The following STIM2 variants were observed in gnomAD, a reference collection of about 807,000 sequenced individuals.
STIM2 encodes stromal interaction molecule 2.
Under a neutral mutation model 85.8 loss-of-function variants are expected in STIM2, and 31 were observed. The ratio of observed to expected loss-of-function variants is 0.36; its 90% CI spans 0.27 to 0.49. The LOEUF (loss-of-function observed/expected upper bound fraction) is 0.49. Ranked by LOEUF, STIM2 falls within the 20% of genes least tolerant of loss-of-function variation. The pLI, the probability that STIM2 is intolerant of heterozygous loss-of-function variation, is 0.98. For synonymous variants in STIM2, 356 were observed against 331.1 expected (o/e 1.08, Z -0.82); for missense variants, 841 against 927.6 (o/e 0.91, Z 1.21).
At chr4:27,021,364 G>T (rs77619911) in intron 11 of STIM2, 18,014 of 401,816 alleles carry the variant, frequency 0.045, 552 homozygotes, top group South Asian at 0.071. Flanking sequence ...AGACAAGGTG[G>T]TTAGGGCAGG....
chr4:26,884,664 A>G (rs2109039098), intron 1 of STIM2, among the ~76,000 whole-genome samples: 1 of 152,380 alleles, frequency 6.6e-6, no homozygotes, highest in African/African-American at 2.4e-5. Context: ...AGTTGGCTGT[A>G]GTAGAAACAC....
rs535453930 is a variant in STIM2 at position 26,970,901 on chromosome 4, T to C, written c.397+13175T>C. Among the ~76,000 whole-genome samples, 10 of 152,248 alleles carry C rather than the reference T, an allele frequency of 6.6e-5. No individual in the cohort carries two copies. The East Asian group carries it at 7.7e-4, about 12-fold the overall frequency. On this transcript the variant is annotated intron_variant, in intron 3 of 11. Coordinates refer to ENST00000467087, the MANE Select transcript of STIM2 (RefSeq NM_020860.4). ...CTATTTCTCCACATCCTCTCCAGCA[T>C]CTGTTGTTTCCTGACTTTTTAATGA...
intron 7 of STIM2, among the ~76,000 whole-genome samples, chr4:27,004,874 ATGCT>A (rs1728279038): frequency 6.6e-6 from 1 of 152,238 alleles, no homozygotes; most frequent in Non-Finnish European, 1.5e-5. Context: ...CCAGAAGTGT[ATGCT>A]ACACACATTG....
intron 11 of STIM2, among the ~76,000 whole-genome samples, chr4:27,022,308 T>C (rs965639122): frequency 6.6e-6 from 1 of 152,210 alleles, no homozygotes; most frequent in Non-Finnish European, 1.5e-5. Context: ...TTCTTTATTA[T>C]GGTTTATGTT....
In STIM2 at chr4:26,896,567, TA is replaced by T. The variant is rs1025229812; in HGVS notation, c.152-22935del. 1.4e-3 allele frequency among the ~76,000 whole-genome samples: 220 copies of T among 152,340 alleles called. 1 individual carries two copies. Among genetic ancestry groups the T allele is most frequent in the African/African-American group, 5.0e-3 (208 of 41,586 alleles). On this transcript the variant is annotated intron_variant, in intron 1 of 11. Coordinates refer to ENST00000467087, the MANE Select transcript of STIM2 (RefSeq NM_020860.4). ...TTTAAAAAACGCTTTTATTTTGAAC[TA>T]AGTGTATTCTCACAAGCAGTTTTAT...
At chr4:26,871,452 C>T (rs1390146399) in intron 1 of STIM2, among the ~76,000 whole-genome samples, 2 of 152,064 alleles carry the variant, frequency 1.3e-5, no homozygotes, top group Non-Finnish European at 2.9e-5. Flanking sequence ...TGGTAAATAA[C>T]AAAATTTTGC....
At chr4:26,988,951 G>C (rs116001742) in intron 3 of STIM2, among the ~76,000 whole-genome samples, 1 of 152,086 alleles carries the variant, frequency 6.6e-6, no homozygotes, top group African/African-American at 2.4e-5. Flanking sequence ...TCTTTGGAGT[G>C]GGGGACGGAG....
At chr4:26,927,806 TATA>T (rs1216166669) in intron 2 of STIM2, among the ~76,000 whole-genome samples, 1 of 144,344 alleles carries the variant, frequency 6.9e-6, no homozygotes, top group East Asian at 2.0e-4. Context: ...ATAATGTAAT[TATA>T]AAATCTATTA....
At chr4:26,913,903 C>T (rs1190524764) in intron 1 of STIM2, among the ~76,000 whole-genome samples, 1 of 152,134 alleles carries the variant, frequency 6.6e-6, no homozygotes. Context: ...CGAATCAACT[C>T]ATATACTGCC....
chr4:26,868,441 G>A lies in STIM2; in HGVS notation c.151+7072G>A, dbSNP rs1221516217. On this transcript the variant is annotated intron_variant, in intron 1 of 11. Coordinates refer to ENST00000467087, the MANE Select transcript of STIM2 (RefSeq NM_020860.4). ...CTCAAAAACTGTTTTGTTTAATTAA[G>A]TGCTGGGATTTTAATTTAAAAAATG... Among the ~76,000 whole-genome samples the A allele has an allele frequency of 2.0e-5, 3 of 152,010 alleles. No homozygotes were observed. The East Asian group carries it at 5.8e-4, about 29-fold the overall frequency.
intron 2 of STIM2, among the ~76,000 whole-genome samples, chr4:26,922,890 G>T (rs1355894765): frequency 6.6e-6 from 1 of 152,138 alleles, no homozygotes; most frequent in Non-Finnish European, 1.5e-5. Context: ...GGATCTCTGT[G>T]CCTGGAACCT....
At chr4:26,875,645 T>C (rs1443384384) in intron 1 of STIM2, among the ~76,000 whole-genome samples, 1 of 152,162 alleles carries the variant, frequency 6.6e-6, no homozygotes, top group African/African-American at 2.4e-5. Context: ...TCAAGATTTC[T>C]AGACAAATGG....
chr4:26,888,555 T>C (rs1443252165), intron 1 of STIM2, among the ~76,000 whole-genome samples: 1 of 152,234 alleles, frequency 6.6e-6, no homozygotes, highest in East Asian at 1.9e-4. Flanking sequence ...TGGTCGTAGC[T>C]GGTTTTTGTT....
chr4:26,954,009 GA>G (rs1035159936), intron 2 of STIM2, among the ~76,000 whole-genome samples: 8 of 127,030 alleles, frequency 6.3e-5, no homozygotes, highest in African/African-American at 2.4e-4. Flanking sequence ...GATAGATTGA[GA>G]GGGGGTGACT....
chr4:26,976,055 C>G (rs1251106220), intron 3 of STIM2, among the ~76,000 whole-genome samples: 1 of 152,216 alleles, frequency 6.6e-6, no homozygotes, highest in Non-Finnish European at 1.5e-5. Flanking sequence ...ACCGCCGAAC[C>G]AGGCACAGGA....
At chr4:26,914,845 A>G (rs1428581632) in intron 1 of STIM2, among the ~76,000 whole-genome samples, 1 of 152,198 alleles carries the variant, frequency 6.6e-6, no homozygotes, top group African/African-American at 2.4e-5. Flanking sequence ...AAGTATAGAT[A>G]TGTATTCTAG....
At chr4:27,001,246 T>C (rs1728141781) in intron 5 of STIM2, among the ~76,000 whole-genome samples, 1 of 152,196 alleles carries the variant, frequency 6.6e-6, no homozygotes, top group Admixed American at 6.5e-5. Flanking sequence ...TAAAATAATA[T>C]ATTAGCTATC....
At position 26,998,452 on chromosome 4, in the gene STIM2, T is replaced by A. The variant is rs952862052; in HGVS notation, c.510-780T>A. On this transcript the variant is annotated intron_variant, in intron 4 of 11. Transcript: ENST00000467087. ...TTTAAACAGTTAAACATTAGAATGT[T>A]AAAAGTATAGATTTTTTGATACTTT... Among the ~76,000 whole-genome samples the A allele has an allele frequency of 1.6e-4, 25 of 152,206 alleles. No individual in the cohort carries two copies. The East Asian group carries it at 2.1e-3, about 13-fold the overall frequency.
chr4:26,978,811 G>T (rs904809615), intron 3 of STIM2, among the ~76,000 whole-genome samples: 1 of 152,166 alleles, frequency 6.6e-6, no homozygotes. Context: ...TAATGACCAA[G>T]AATCACTAGA....
Sources: allele counts gnomAD v4.1 joint callset (sites outside exome capture counted in the v4.1 genomes callset), GRCh38; gene constraint gnomAD v4.1.1; transcripts MANE v1.5; gene names NCBI Gene and HGNC (gene_info 2026-07-23, HGNC 2026-07-21).